The following BLTP3A variants were observed in gnomAD, a reference collection of about 807,000 sequenced individuals.
The protein encoded by BLTP3A is ICBP90 binding protein 1.
the BLTP3A span, among the ~76,000 whole-genome samples, chr6:34,847,898 A>G: frequency 2.4e-5 from 2 of 82,784 alleles, no homozygotes; most frequent in East Asian, 3.2e-4. Context: ...TTTACTTGAA[A>G]TTTTTCTACT....
the BLTP3A span, chr6:34,855,721 T>TG: frequency 3.1e-6 from 5 of 1,612,984 alleles, no homozygotes; most frequent in African/African-American, 6.7e-5. Context: ...AAACTCTGAA[T>TG]GGGGCCAATT....
the BLTP3A span, chr6:34,858,830 A>G: frequency 1.2e-6 from 2 of 1,614,050 alleles, no homozygotes; most frequent in Non-Finnish European, 1.7e-6. Flanking sequence ...TCCCCGGCCC[A>G]TGTCCGCGTG....
At chr6:34,792,389 C>G in the BLTP3A span, 4 of 1,252,156 alleles carry the variant, frequency 3.2e-6, no homozygotes, top group Non-Finnish European at 4.2e-6. Context: ...CAGTCTGCCT[C>G]TCTCCAGCCC....
chr6:34,809,483 T>G, the BLTP3A span, among the ~76,000 whole-genome samples: 1 of 152,208 alleles, frequency 6.6e-6, no homozygotes, highest in Non-Finnish European at 1.5e-5. Flanking sequence ...GTAGTGGAAT[T>G]TAGGGGTACC....
At chr6:34,834,206 A>G in the BLTP3A span, 5 of 1,612,696 alleles carry the variant, frequency 3.1e-6, no homozygotes, top group Admixed American at 8.3e-5. Context: ...GGTCTACCTC[A>G]TTTGTTGTAG....
At chr6:34,832,717 T>C in the BLTP3A span, among the ~76,000 whole-genome samples, 2 of 152,176 alleles carry the variant, frequency 1.3e-5, no homozygotes, top group African/African-American at 4.8e-5. Context: ...CCTAAAGTGC[T>C]GGGATTACAG....
chr6:34,792,337 C>T, the BLTP3A span: 1 of 1,502,136 alleles, frequency 6.7e-7, no homozygotes. Flanking sequence ...TGGGCCCTTC[C>T]TAACCCTCTC....
the BLTP3A span, chr6:34,821,519 A>C: frequency 1.2e-6 from 1 of 846,842 alleles, no homozygotes; most frequent in Non-Finnish European, 1.8e-6. Context: ...CTTCACTCCC[A>C]CTGCTTCACT....
the BLTP3A span, among the ~76,000 whole-genome samples, chr6:34,795,724 A>G: frequency 6.6e-6 from 1 of 152,100 alleles, no homozygotes; most frequent in Non-Finnish European, 1.5e-5. Context: ...TTTAAAGAAA[A>G]ATTTTAGCAG....
At chr6:34,858,388 C>T in the BLTP3A span, 1 of 1,614,216 alleles carries the variant, frequency 6.2e-7, no homozygotes, top group South Asian at 1.1e-5. Flanking sequence ...CTGCCTGCCT[C>T]AGCCTAATAC....
At chr6:34,826,030 T>C in the BLTP3A span, among the ~76,000 whole-genome samples, 2 of 147,026 alleles carry the variant, frequency 1.4e-5, no homozygotes, top group African/African-American at 2.5e-5. Flanking sequence ...TTTTGCATTT[T>C]TTTTTTTTTT....
the BLTP3A span, among the ~76,000 whole-genome samples, chr6:34,792,788 C>G: frequency 1.3e-5 from 2 of 152,172 alleles, no homozygotes; most frequent in Admixed American, 6.5e-5. Context: ...TGCCCCTGCC[C>G]GTTCTAAATA....
the BLTP3A span, among the ~76,000 whole-genome samples, chr6:34,810,950 T>C: frequency 1.3e-5 from 2 of 152,242 alleles, no homozygotes; most frequent in Non-Finnish European, 2.9e-5. Flanking sequence ...ATTTTATGCA[T>C]TCATGACATA....
At chr6:34,839,859 G>A in the BLTP3A span, among the ~76,000 whole-genome samples, 3 of 152,236 alleles carry the variant, frequency 2.0e-5, no homozygotes, top group African/African-American at 4.8e-5. Context: ...TCTGCCAGAC[G>A]GCCAGTCTCC....
chr6:34,861,605 G>C, the BLTP3A span, among the ~76,000 whole-genome samples: 5 of 152,296 alleles, frequency 3.3e-5, no homozygotes, highest in East Asian at 9.6e-4. Context: ...GTGTGCACTT[G>C]TGGATGGTTA....
At chr6:34,802,700 G>A in the BLTP3A span, among the ~76,000 whole-genome samples, 8 of 152,146 alleles carry the variant, frequency 5.3e-5, no homozygotes, top group African/African-American at 1.2e-4. Context: ...GTGATTCCAC[G>A]TTTGCATGCA....
the BLTP3A span, among the ~76,000 whole-genome samples, chr6:34,854,462 G>C: frequency 2.0e-5 from 3 of 151,804 alleles, no homozygotes; most frequent in Admixed American, 2.0e-4. Context: ...AAATTATTTA[G>C]GGTTTCTTAA....
At chr6:34,804,927 A>G in the BLTP3A span, among the ~76,000 whole-genome samples, 3 of 152,184 alleles carry the variant, frequency 2.0e-5, no homozygotes, top group African/African-American at 7.2e-5. Context: ...TCTATGCCTC[A>G]GTTTTCTCAT....
the BLTP3A span, among the ~76,000 whole-genome samples, chr6:34,797,339 G>C: frequency 6.6e-6 from 1 of 152,288 alleles, no homozygotes; most frequent in African/African-American, 2.4e-5. Context: ...AGGCATAGAA[G>C]AGTTCAGCAT....
Sources: gnomAD v4.1 joint callset for allele counts (sites outside exome capture counted in the v4.1 genomes callset) on GRCh38, gnomAD v4.1.1 for gene constraint, MANE v1.5 for transcripts, NCBI Gene and HGNC (gene_info 2026-07-23, HGNC 2026-07-21) for gene names.